BPNT2: variants seen among roughly 807,000 people sequenced by gnomAD.
The protein encoded by BPNT2 is Golgi-resident adenosine 3',5'-bisphosphate 3'-phosphatase.
In BPNT2, 11 loss-of-function variants were observed where a neutral mutation model predicts 29.3. The ratio of observed to expected loss-of-function variants is 0.38; its 90% CI spans 0.24 to 0.62. The LOEUF is 0.62. Among genes scored for constraint, BPNT2 ranks in the 20% least tolerant of loss-of-function variants. BPNT2 has a pLI of 0.62. For missense variants in BPNT2, 459 were observed against 473.4 expected, an observed-to-expected ratio of 0.97 and a Z score of 0.28; for synonymous variants, 195 against 187.7, an observed-to-expected ratio of 1.04 and a Z score of -0.32.
intron 2 of BPNT2, among the ~76,000 whole-genome samples, chr8:56,979,418 G>T (rs1379610257): frequency 6.6e-6 from 1 of 152,196 alleles, no homozygotes; most frequent in Non-Finnish European, 1.5e-5. Flanking sequence ...CTCCTGAAAA[G>T]TTCTGTGCTG....
chr8:56,970,711 G>A (rs921840944), intron 3 of BPNT2, among the ~76,000 whole-genome samples: 5 of 152,086 alleles, frequency 3.3e-5, no homozygotes, highest in African/African-American at 1.2e-4. Flanking sequence ...TTTTAGAGAT[G>A]CATACTGAAG....
In BPNT2 at chr8:56,993,676, G is replaced by C. The variant is rs1365135751; in HGVS notation, c.-91C>G. 9.2e-7 allele frequency: 1 copy of C among 1,087,036 alleles called. No individual in the cohort carries two copies. The highest frequency in any genetic ancestry group is 1.7e-5 in the African/African-American group (1 of 59,462). The allele number at this position is 1,087,036 out of a possible 1,614,324, so 67.3% of individuals were successfully genotyped here. On this transcript the variant is annotated 5_prime_UTR_variant, in exon 1 of 5. Coordinates refer to ENST00000262644, the MANE Select transcript of BPNT2 (RefSeq NM_017813.5). Reference sequence around the variant, plus strand: ...GCCGCAGCCGCCGCGCTCCGGGCCAGGCGCCGCGCGGGCTACACTGGCGCC... The same window carrying C: ...GCCGCAGCCGCCGCGCTCCGGGCCACGCGCCGCGCGGGCTACACTGGCGCC...
chr8:56,993,375 C>G lies in BPNT2; in HGVS notation c.211G>C (p.Val71Leu). Residue 71 changes from valine to leucine, a missense_variant, in exon 1 of 5, where the codon GTG becomes CTG. Val to Leu is a conservative substitution (Grantham distance 32, BLOSUM62 1). Transcript: ENST00000262644. ...VDLREMLAVS[V>L]LAAVRGGDEV... ...TCGCCGCCGCGGACTGCGGCCAGCA[C>G]TGACACAGCCAGCATCTCGCGCAAG... The G allele has an allele frequency of 6.2e-7, 1 of 1,609,460 alleles. No homozygotes were observed. The highest frequency in any genetic ancestry group is 1.1e-5 in the South Asian group (1 of 91,074).
chr8:56,974,639 G>C (rs1240875130), intron 3 of BPNT2, among the ~76,000 whole-genome samples: 1 of 152,154 alleles, frequency 6.6e-6, no homozygotes, highest in Non-Finnish European at 1.5e-5. Flanking sequence ...TAAACGTATT[G>C]ATTATTTTAG....
intron 3 of BPNT2, among the ~76,000 whole-genome samples, chr8:56,967,785 G>A (rs779535685): frequency 3.3e-5 from 5 of 151,986 alleles, no homozygotes; most frequent in Non-Finnish European, 5.9e-5. Context: ...ATTAAGATAG[G>A]GGCTTTATTG....
intron 4 of BPNT2, among the ~76,000 whole-genome samples, chr8:56,965,186 G>C (rs1805919228): frequency 6.6e-6 from 1 of 152,032 alleles, no homozygotes; most frequent in Admixed American, 6.5e-5. Flanking sequence ...AGGCATGGTG[G>C]TGCATGCCTG....
Position 56,993,745 on chromosome 8 carries a change from G to C in BPNT2, c.-160C>G. Reference sequence around the variant, plus strand: ...CGCCCCATCACTCCCTCCCAGGAAAGGCCGAGTTGCGCCGCGAAGACCACC... The same window carrying C: ...CGCCCCATCACTCCCTCCCAGGAAACGCCGAGTTGCGCCGCGAAGACCACC... On this transcript the variant is annotated 5_prime_UTR_variant, in exon 1 of 5. Coordinates refer to ENST00000262644, the MANE Select transcript of BPNT2 (RefSeq NM_017813.5). 2 of 930,336 alleles carry C rather than the reference G, an allele frequency of 2.1e-6. No individual in the cohort carries two copies. Among genetic ancestry groups the C allele is most frequent in the Non-Finnish European group, 2.6e-6 (2 of 775,484 alleles). The allele number at this position is 930,336 out of a possible 1,614,324, so 57.6% of individuals were successfully genotyped here.
rs1349060351 is a variant in BPNT2, at chr8:56,963,989, T to TATAC, written c.883_884insGTAT (p.Tyr295CysfsTer12). On this transcript the variant is annotated frameshift_variant, in exon 5 of 5. Coordinates refer to ENST00000262644, the MANE Select transcript of BPNT2 (RefSeq NM_017813.5). LOFTEE classifies it high-confidence loss of function. ...AGCACATATATCCCACTTTTTGATG[T>TATAC]ATGTCACATGGATGTATAAATCAGC... 1 of 1,612,920 alleles carries TATAC rather than the reference T, an allele frequency of 6.2e-7. No individual in the cohort carries two copies. Among genetic ancestry groups the TATAC allele is most frequent in the Non-Finnish European group, 8.5e-7 (1 of 1,179,256 alleles).
rs1390344967 is a variant in BPNT2, at chr8:56,963,760, C to T, written c.*33G>A. On this transcript the variant is annotated 3_prime_UTR_variant, in exon 5 of 5. Coordinates refer to ENST00000262644, the MANE Select transcript of BPNT2 (RefSeq NM_017813.5). ...CAGCATCTCAGGCTAACCATTTCAG[C>T]TGTGAAGAACTGTACCCTGTAATCA... is the stretch of plus-strand genomic sequence containing the variant. 9.3e-6 allele frequency: 15 copies of T among 1,612,386 alleles called. No individual in the cohort carries two copies. The Admixed American group carries it at 1.7e-4, about 18-fold the overall frequency.
At chr8:56,978,576 G>A (rs1444936906) in intron 2 of BPNT2, among the ~76,000 whole-genome samples, 4 of 151,604 alleles carry the variant, frequency 2.6e-5, no homozygotes, top group Non-Finnish European at 4.4e-5. Flanking sequence ...CTATTATAAA[G>A]ACACATGCAT....
In BPNT2 at chr8:56,963,819, C is replaced by G. The variant is rs560353101; in HGVS notation, c.1054G>C (p.Asp352His). 150 of 1,614,180 alleles carry G rather than the reference C, an allele frequency of 9.3e-5. 3 individuals are homozygous for G. In the South Asian group the frequency reaches 1.6e-3, roughly 17 times the overall value. Residue 352 changes from aspartate to histidine, a missense_variant, in exon 5 of 5, where the codon GAT (aspartate) becomes CAT (histidine). Asp to His is a moderately conservative substitution (Grantham distance 81). Transcript: ENST00000262644. ...CATTTATGTCCTGTCTTTTCTAGATCTGGGAGTTTTCTGACCAGGGCCTGG... is the reference window on the plus strand; with the variant it reads ...CATTTATGTCCTGTCTTTTCTAGATGTGGGAGTTTTCTGACCAGGGCCTGG... ...NHQALVRKLP[D>H]LEKTGHK
At chr8:56,984,508 C>T (rs1806297445) in intron 1 of BPNT2, among the ~76,000 whole-genome samples, 1 of 152,154 alleles carries the variant, frequency 6.6e-6, no homozygotes, top group Non-Finnish European at 1.5e-5. Flanking sequence ...ATCATGTCTA[C>T]CAAGAAAATC....
chr8:56,969,065 G>A (rs772903277), intron 3 of BPNT2, among the ~76,000 whole-genome samples: 30 of 152,294 alleles, frequency 2.0e-4, no homozygotes, highest in Admixed American at 7.8e-4. Flanking sequence ...TGCCAACAAT[G>A]TCTGGAGCCA....
intron 3 of BPNT2, among the ~76,000 whole-genome samples, chr8:56,972,133 G>A (rs1440459495): frequency 6.6e-6 from 1 of 151,782 alleles, no homozygotes; most frequent in Non-Finnish European, 1.5e-5. Context: ...AATCATCTCT[G>A]TGTGAGCAGT....
intron 1 of BPNT2, among the ~76,000 whole-genome samples, chr8:56,991,854 T>C (rs1221490262): frequency 3.2e-4 from 48 of 152,096 alleles, no homozygotes; most frequent in Admixed American, 3.1e-3. Flanking sequence ...AAATATTTCA[T>C]AAACACACCT....
chr8:56,969,503 G>A (rs1247112088), intron 3 of BPNT2, among the ~76,000 whole-genome samples: 1 of 151,944 alleles, frequency 6.6e-6, no homozygotes, highest in East Asian at 1.9e-4. Flanking sequence ...TGTATAAATG[G>A]TTTTCTCATA....
rs1429774253 is a variant in BPNT2, at chr8:56,980,191, T to C, written c.394A>G (p.Thr132Ala). 1.9e-6 allele frequency: 3 copies of C among 1,613,290 alleles called. No homozygotes were observed. Among genetic ancestry groups the C allele is most frequent in the Non-Finnish European group, 2.5e-6 (3 of 1,179,460 alleles). ...KTAFPSVQIN[T>A]EEHVDAADQE... ...TCAGCTGCATCCACGTGTTCCTCAG[T>C]ATTAATCTGCATTAAAAACAGGTGA... is the stretch of plus-strand genomic sequence containing the variant. The change falls in exon 2 of 5, where the codon ACT becomes GCT. Residue 132 changes from threonine to alanine, a missense_variant. Transcript: ENST00000262644.
chr8:56,979,745 T>G (rs1433142244), intron 2 of BPNT2, among the ~76,000 whole-genome samples: 1 of 152,204 alleles, frequency 6.6e-6, no homozygotes, highest in Non-Finnish European at 1.5e-5. Context: ...AGTTCTGTTT[T>G]GTTACTTACT....
rs1358618055 is a variant in BPNT2, at chr8:56,962,867, T to C, written c.*926A>G. On this transcript the variant is annotated 3_prime_UTR_variant, in exon 5 of 5. Transcript: ENST00000262644. Reference sequence around the variant, plus strand: ...AGATAATGAAAGGCAGTTCAATTCATGTAATGTCAAGTAACTTTCAATTGT... The same window carrying C: ...AGATAATGAAAGGCAGTTCAATTCACGTAATGTCAAGTAACTTTCAATTGT... 2 of 152,186 alleles carry C rather than the reference T, an allele frequency of 1.3e-5. No individual in the cohort carries two copies. Among genetic ancestry groups the C allele is most frequent in the African/African-American group, 2.4e-5 (1 of 41,446 alleles). The allele number at this position is 152,186 out of a possible 1,614,324, so 9.4% of individuals were successfully genotyped here.
Sources: allele counts gnomAD v4.1 joint callset (sites outside exome capture counted in the v4.1 genomes callset), GRCh38; gene constraint gnomAD v4.1.1; transcripts MANE v1.5; gene names NCBI Gene and HGNC (gene_info 2026-07-23, HGNC 2026-07-21).